Variants in SLC14A2 observed in about 807,000 individuals in gnomAD.
SLC14A2 encodes the protein solute carrier family 14 member 2.
A neutral mutation model predicts 104.6 loss-of-function variants in SLC14A2; 91 were observed. The ratio of observed to expected loss-of-function variants is 0.87; its 90% CI spans 0.73 to 1.04. The LOEUF is 1.04. Ranked by LOEUF, SLC14A2 falls within the 50% of genes least tolerant of loss-of-function variation. SLC14A2 has a pLI of 0.00. For missense variants in SLC14A2, 1,189 were observed against 1,156.0 expected, an observed-to-expected ratio of 1.03 and a Z score of -0.41; for synonymous variants, 476 against 466.4, an observed-to-expected ratio of 1.02 and a Z score of -0.27.
At chr18:45,648,316 C>T (rs1486340270) in intron 10 of SLC14A2, among the ~76,000 whole-genome samples, 1 of 150,200 alleles carries the variant, frequency 6.7e-6, no homozygotes, top group Non-Finnish European at 1.5e-5. Flanking sequence ...CGCCATTCTC[C>T]TGCCTCAGCC....
At chr18:45,624,871 G>A in intron 2 of SLC14A2, 57 bp downstream of exon 2, 2 of 1,530,306 alleles carry the variant, frequency 1.3e-6, no homozygotes, top group South Asian at 1.2e-5. Flanking sequence ...GAAAAGTGGG[G>A]GCAAAAGATG....
intron 1 of SLC14A2, among the ~76,000 whole-genome samples, chr18:45,248,129 T>C (rs1443346423): frequency 6.6e-6 from 1 of 152,092 alleles, no homozygotes; most frequent in Admixed American, 6.6e-5. Flanking sequence ...CAGTAAATGC[T>C]TAGCTGGCAA....
intron 1 of SLC14A2, among the ~76,000 whole-genome samples, chr18:45,292,844 C>A (rs767004317): frequency 1.3e-4 from 20 of 152,198 alleles, no homozygotes; most frequent in Non-Finnish European, 2.8e-4. Flanking sequence ...TCAAGACACT[C>A]ATTTTTAATC....
intron 17 of SLC14A2, 38 bp downstream of exon 17, chr18:45,673,085 G>C (rs752705347): frequency 7.6e-5 from 121 of 1,598,922 alleles, no homozygotes; most frequent in Non-Finnish European, 8.8e-5. Flanking sequence ...GAGGGGGTTA[G>C]AGCCTGGGGC....
intron 1 of SLC14A2, among the ~76,000 whole-genome samples, chr18:45,410,830 T>C (rs1199954816): frequency 4.6e-5 from 7 of 152,362 alleles, no homozygotes; most frequent in African/African-American, 1.7e-4. Flanking sequence ...ACTTCCTCGC[T>C]TAAGAAAACC....
intron 2 of SLC14A2, among the ~76,000 whole-genome samples, chr18:45,559,691 G>T (rs1329590392): frequency 6.6e-6 from 1 of 152,180 alleles, no homozygotes; most frequent in African/African-American, 2.4e-5. Flanking sequence ...CACCTTCATT[G>T]TTGTCACCTT....
chr18:45,613,470 G>A (rs1011198734), upstream of SLC14A2, among the ~76,000 whole-genome samples: 2 of 152,156 alleles, frequency 1.3e-5, no homozygotes, highest in East Asian at 1.9e-4. Flanking sequence ...GAGCTCGGAG[G>A]AAGATAGATA....
chr18:45,316,438 A>G (rs540449993), intron 1 of SLC14A2, among the ~76,000 whole-genome samples: 1 of 152,326 alleles, frequency 6.6e-6, no homozygotes, highest in African/African-American at 2.4e-5. Flanking sequence ...GGCTTGTCCA[A>G]GGCACATAGC....
chr18:45,183,132 G>T, the SLC14A2 span, among the ~76,000 whole-genome samples: 2 of 152,100 alleles, frequency 1.3e-5, no homozygotes, highest in Non-Finnish European at 2.9e-5. Flanking sequence ...TACTGTTTGC[G>T]CTGGCTTCCC....
chr18:45,169,619 T>G, the SLC14A2 span, among the ~76,000 whole-genome samples: 4 of 152,212 alleles, frequency 2.6e-5, no homozygotes, highest in Non-Finnish European at 5.9e-5. Flanking sequence ...TAATGAGATA[T>G]GATGATATTC....
chr18:45,682,380 C>G lies in SLC14A2; in HGVS notation c.2624C>G (p.Thr875Arg), dbSNP rs777670329. The stretch of plus-strand genomic sequence containing the variant: ...TCAGCTCTCACCTTCCTGCTCCTGA[C>G]GACCAATAACCCCGCCATCTACAAG... ...CLSALTFLLL[T>R]TNNPAIYKLP... is the part of the protein sequence containing the mutation. Residue 875 changes from threonine to arginine, a missense_variant, in exon 20 of 20, where the codon ACG becomes AGG. Thr to Arg is a moderately conservative substitution (Grantham distance 71). Coordinates refer to ENST00000255226, the MANE Select transcript of SLC14A2 (RefSeq NM_007163.4). The G allele has an allele frequency of 5.6e-6, 9 of 1,614,136 alleles. No homozygotes were observed. The South Asian group carries it at 7.7e-5, about 14-fold the overall frequency.
At chr18:45,343,043 G>T (rs899017274) in intron 1 of SLC14A2, among the ~76,000 whole-genome samples, 2 of 152,124 alleles carry the variant, frequency 1.3e-5, no homozygotes, top group African/African-American at 4.8e-5. Flanking sequence ...ACTAGCAGTA[G>T]CGGGAGGCCA....
chr18:45,478,762 C>A (rs1371020434), intron 1 of SLC14A2, among the ~76,000 whole-genome samples: 3 of 151,966 alleles, frequency 2.0e-5, no homozygotes, highest in Non-Finnish European at 2.9e-5. Flanking sequence ...GTTAATTTAG[C>A]CTTTACCTTT....
At chr18:45,302,433 G>A (rs929409093) in intron 1 of SLC14A2, among the ~76,000 whole-genome samples, 1 of 152,184 alleles carries the variant, frequency 6.6e-6, no homozygotes, top group African/African-American at 2.4e-5. Flanking sequence ...CTGAAGCCCA[G>A]AGGGAAAATA....
At chr18:45,396,126 A>G (rs113026113) in intron 1 of SLC14A2, among the ~76,000 whole-genome samples, 8 of 152,292 alleles carry the variant, frequency 5.3e-5, no homozygotes, top group African/African-American at 1.9e-4. Flanking sequence ...GTTTATCCAT[A>G]TTCCAGTTGT....
At chr18:45,417,129 G>T (rs760445231) in intron 1 of SLC14A2, among the ~76,000 whole-genome samples, 4 of 152,174 alleles carry the variant, frequency 2.6e-5, no homozygotes, top group Non-Finnish European at 5.9e-5. Flanking sequence ...CAGGATTTTG[G>T]TTATTTATCA....
chr18:45,272,517 G>C (rs920043434), intron 1 of SLC14A2, among the ~76,000 whole-genome samples: 5 of 151,980 alleles, frequency 3.3e-5, no homozygotes, highest in African/African-American at 1.2e-4. Flanking sequence ...TTATTTGTGG[G>C]ATCTAAAATT....
intron 1 of SLC14A2, among the ~76,000 whole-genome samples, chr18:45,385,702 A>G (rs1459120735): frequency 1.3e-5 from 2 of 152,206 alleles, no homozygotes; most frequent in African/African-American, 2.4e-5. Context: ...TCTCAGCTAT[A>G]AAATTATTAT....
At chr18:45,267,741 GT>G (rs2084606778) in intron 1 of SLC14A2, among the ~76,000 whole-genome samples, 2 of 152,064 alleles carry the variant, frequency 1.3e-5, no homozygotes, top group Non-Finnish European at 2.9e-5. Flanking sequence ...GACCATTATT[GT>G]TATGGGAAAT....
Sources: gnomAD v4.1 joint callset for allele counts (sites outside exome capture counted in the v4.1 genomes callset) on GRCh38, gnomAD v4.1.1 for gene constraint, MANE v1.5 for transcripts, NCBI Gene and HGNC (gene_info 2026-07-23, HGNC 2026-07-21) for gene names.